The following CACNA1B variants were observed in gnomAD, a reference collection of about 807,000 sequenced individuals.
The protein encoded by CACNA1B is voltage-dependent N-type calcium channel subunit alpha-1B.
A neutral mutation model predicts 247.2 loss-of-function variants in CACNA1B; 70 were observed. The ratio of observed to expected loss-of-function variants is 0.28; its 90% CI spans 0.23 to 0.35. The LOEUF (loss-of-function observed/expected upper bound fraction) is 0.35, where lower values mean the gene tolerates loss of function less well. Ranked by LOEUF, CACNA1B falls within the 10% of genes least tolerant of loss-of-function variation. The pLI is 1.00. For missense variants in CACNA1B, 2,367 were observed against 3,197.4 expected, an observed-to-expected ratio of 0.74 and a Z score of 6.26; for synonymous variants, 1,231 against 1,294.4, an observed-to-expected ratio of 0.95 and a Z score of 1.05.
chr9:138,022,885 GC>G (rs1958865940), intron 18 of CACNA1B, 125 bp from the exon 19 acceptor site: 1 of 1,266,810 alleles, frequency 7.9e-7, no homozygotes. Flanking sequence ...GGGTGTGGGG[GC>G]TCCCGCGGCC....
chr9:137,968,539 C>G (rs1354529839), intron 10 of CACNA1B, among the ~76,000 whole-genome samples: 2 of 152,222 alleles, frequency 1.3e-5, no homozygotes, highest in African/African-American at 4.8e-5. Flanking sequence ...CGTGCTTTAG[C>G]CTCACGTCAC....
chr9:138,077,445 G>A (rs1201186678), intron 35 of CACNA1B, among the ~76,000 whole-genome samples: 1 of 152,064 alleles, frequency 6.6e-6, no homozygotes, highest in African/African-American at 2.4e-5. Flanking sequence ...GAAAGAGTGG[G>A]CAGCAGGTCC....
In CACNA1B at chr9:138,121,012, G is replaced by C. The variant is rs1962074011; in HGVS notation, c.6489+131G>C. ...GTCATTCCCAGCAACCCAAGGGCCG[G>C]GCGCTCCCCTCTGTGCCCTGTCCCG... is the stretch of plus-strand genomic sequence containing the variant. On this transcript the variant is annotated intron_variant, in intron 46 of 46. Transcript: ENST00000371372. This position sits in a 1 kb window ranked among gnomAD's most constrained non-coding sequence, Gnocchi z 6.8. The C allele has an allele frequency of 9.2e-7, 1 of 1,092,798 alleles. No homozygotes were observed. Among genetic ancestry groups the C allele is most frequent in the Non-Finnish European group, 1.3e-6 (1 of 777,620 alleles). 67.7% of individuals were successfully genotyped at this position (1,092,798 alleles called of 1,614,324 possible).
At position 137,952,461 on chromosome 9, in the gene CACNA1B, T is replaced by C; in HGVS notation, c.1070+84T>C. On this transcript the variant is annotated intron_variant, in intron 7 of 46. Transcript: ENST00000371372. This position sits in a 1 kb window ranked among gnomAD's most constrained non-coding sequence, Gnocchi z 4.8. ...ACAGGGGCACGTGTGACACTTGGGG[T>C]GGGGGCCTGGCCCATGGGTGCCCTC... The C allele has an allele frequency of 8.6e-7, 1 of 1,169,288 alleles. No individual in the cohort carries two copies. Among genetic ancestry groups the C allele is most frequent in the South Asian group, 1.2e-5 (1 of 80,536 alleles). 72.4% of individuals were successfully genotyped at this position (1,169,288 alleles called of 1,614,324 possible). A position where few individuals can be genotyped will look rare whatever the true frequency, so the allele number is the denominator to read the frequency against.
chr9:137,990,945 G>A lies in CACNA1B; in HGVS notation c.1974+4091G>A, dbSNP rs926865208. ...GGAGCACCCCCAAGATAAGAGAACA[G>A]CAGCCCTTGAGTCGCAGATCTTCCC... On this transcript the variant is annotated intron_variant, in intron 15 of 46. Transcript: ENST00000371372. The surrounding 1 kb of genome is among the most constrained non-coding windows in gnomAD (Gnocchi z 4.5). 1.3e-5 allele frequency among the ~76,000 whole-genome samples: 2 copies of A among 152,218 alleles called. No homozygotes were observed. Among genetic ancestry groups the A allele is most frequent in the Non-Finnish European group, 1.5e-5 (1 of 68,048 alleles).
At chr9:137,935,562 A>C (rs1001979159) in intron 6 of CACNA1B, among the ~76,000 whole-genome samples, 1 of 152,202 alleles carries the variant, frequency 6.6e-6, no homozygotes, top group African/African-American at 2.4e-5. Context: ...CACAATAAAC[A>C]TATGTGTGCA....
chr9:137,903,736 T>A (rs1957266099), intron 3 of CACNA1B, among the ~76,000 whole-genome samples: 1 of 152,234 alleles, frequency 6.6e-6, no homozygotes, highest in African/African-American at 2.4e-5. Context: ...GTATGAAAAT[T>A]TATTCAGCTC....
chr9:137,933,353 T>C (rs1957629460), intron 6 of CACNA1B, among the ~76,000 whole-genome samples: 2 of 152,308 alleles, frequency 1.3e-5, no homozygotes, highest in South Asian at 4.1e-4. Flanking sequence ...GTCCGGCACA[T>C]TGATGACTTT....
intron 36 of CACNA1B, among the ~76,000 whole-genome samples, chr9:138,085,613 GAA>G (rs1960669481): frequency 2.0e-5 from 3 of 151,092 alleles, no homozygotes; most frequent in Admixed American, 1.3e-4. Context: ...AAAGAGAAGA[GAA>G]AATTCTAAAA....
chr9:137,969,423 G>T (rs1369740946), intron 10 of CACNA1B, among the ~76,000 whole-genome samples: 1 of 152,186 alleles, frequency 6.6e-6, no homozygotes, highest in Non-Finnish European at 1.5e-5. Flanking sequence ...TGTGTGTGGG[G>T]GGCTGTGGCC....
At chr9:138,002,785 C>T (rs1374147249) in intron 15 of CACNA1B, among the ~76,000 whole-genome samples, 3 of 147,886 alleles carry the variant, frequency 2.0e-5, no homozygotes, top group South Asian at 2.2e-4. Flanking sequence ...CTTTTCTTTT[C>T]TTTTCTTTTT....
At chr9:138,068,012 T>TG (rs1463065994) in intron 31 of CACNA1B, among the ~76,000 whole-genome samples, 1 of 152,180 alleles carries the variant, frequency 6.6e-6, no homozygotes, top group African/African-American at 2.4e-5. Context: ...AACACAGCTT[T>TG]GGGGGGTTTC....
At chr9:138,085,187 G>A (rs887519499) in intron 36 of CACNA1B, among the ~76,000 whole-genome samples, 1 of 150,484 alleles carries the variant, frequency 6.6e-6, no homozygotes, top group Non-Finnish European at 1.5e-5. Context: ...CATAAAAAAA[G>A]AACCAAGCAG....
At chr9:138,053,438 A>G (rs1959366329) in intron 25 of CACNA1B, among the ~76,000 whole-genome samples, 1 of 152,100 alleles carries the variant, frequency 6.6e-6, no homozygotes, top group African/African-American at 2.4e-5. Flanking sequence ...GGGCCCTGGA[A>G]TGCCTGGGGG....
intron 15 of CACNA1B, among the ~76,000 whole-genome samples, chr9:137,998,431 G>A (rs1958525101): frequency 6.6e-6 from 1 of 152,084 alleles, no homozygotes; most frequent in East Asian, 1.9e-4. Context: ...CCTACATGGT[G>A]AAACCCCATC....
At position 137,973,909 on chromosome 9, in the gene CACNA1B, C is replaced by T. The variant is rs1000338144; in HGVS notation, c.1544-1998C>T. Among the ~76,000 whole-genome samples the T allele has an allele frequency of 1.3e-5, 2 of 152,176 alleles. No individual in the cohort carries two copies. The highest frequency in any genetic ancestry group is 2.4e-5 in the African/African-American group (1 of 41,426). ...TCTTGTACTTGTTCCTTGCAAAGTG[C>T]TCTCACTTTGGTCTCCTGGGGAGCA... On this transcript the variant is annotated intron_variant, in intron 11 of 46. Coordinates refer to ENST00000371372, the MANE Select transcript of CACNA1B (RefSeq NM_000718.4). The surrounding 1 kb of genome is among the most constrained non-coding windows in gnomAD (Gnocchi z 4.1).
chr9:138,052,227 TGTGTGTGCGTGTGTGTGTGTGC>T lies in CACNA1B; in HGVS notation c.3807+47_3807+68del. On this transcript the variant is annotated intron_variant, in intron 25 of 46. Coordinates refer to ENST00000371372, the MANE Select transcript of CACNA1B (RefSeq NM_000718.4). This position sits in a 1 kb window ranked among gnomAD's most constrained non-coding sequence, Gnocchi z 5.1. ...GTTGGGGCTTGAGGGATGTGCTGTGTGTGTGTGCGTGTGTGTGTGTGCGTGTGTGTGTGTGTATGCATGCAGT... is the reference window on the plus strand; with the variant it reads ...GTTGGGGCTTGAGGGATGTGCTGTGTGTGTGTGTGTGTGTATGCATGCAGT... 9.7e-7 allele frequency: 1 copy of T among 1,033,108 alleles called. No individual in the cohort carries two copies. Among genetic ancestry groups the T allele is most frequent in the Non-Finnish European group, 1.5e-6 (1 of 673,984 alleles). The allele number at this position is 1,033,108 out of a possible 1,614,324, so 64.0% of individuals were successfully genotyped here.
intron 32 of CACNA1B, 129 bp downstream of exon 32, chr9:138,069,892 ACTC>A: frequency 1.4e-5 from 11 of 802,920 alleles, no homozygotes; most frequent in East Asian, 2.6e-5. Flanking sequence ...GGCTGCATCC[ACTC>A]ACCTCTGGCC....
chr9:137,975,444 T>G (rs1425045517), intron 11 of CACNA1B, among the ~76,000 whole-genome samples: 1 of 152,070 alleles, frequency 6.6e-6, no homozygotes, highest in Non-Finnish European at 1.5e-5. Context: ...AGGTGGGAGA[T>G]TCTGACAAGG....
Sources: allele counts gnomAD v4.1 joint callset (sites outside exome capture counted in the v4.1 genomes callset), GRCh38; gene constraint gnomAD v4.1.1; non-coding constraint Gnocchi (gnomAD v3.1); transcripts MANE v1.5; gene names NCBI Gene and HGNC (gene_info 2026-07-23, HGNC 2026-07-21).